The following GFOD1 variants were observed in gnomAD, a reference collection of about 807,000 sequenced individuals.
The protein encoded by GFOD1 is Gfo/Idh/MocA-like oxidoreductase domain containing 1, also known as glucose-fructose oxidoreductase domain-containing protein 1.
A neutral mutation model predicts 25.4 loss-of-function variants in GFOD1; 9 were observed. That is an observed-to-expected ratio of 0.35 (90% confidence interval 0.21 to 0.62). The LOEUF (loss-of-function observed/expected upper bound fraction) is 0.62. Among genes scored for constraint, GFOD1 ranks in the 20% least tolerant of loss-of-function variants. The pLI is 0.72. For missense variants in GFOD1, 403 were observed against 556.9 expected (o/e 0.72, Z 2.78); for synonymous variants, 253 against 245.6 (o/e 1.03, Z -0.28).
At chr6:13,410,104 C>T (rs574153894) in intron 1 of GFOD1, among the ~76,000 whole-genome samples, 1 of 151,146 alleles carries the variant, frequency 6.6e-6, no homozygotes, top group African/African-American at 2.4e-5. Context: ...AATAAAGCCC[C>T]AGATGATGCA....
intron 1 of GFOD1, among the ~76,000 whole-genome samples, chr6:13,454,128 G>A (rs1296123841): frequency 6.6e-6 from 1 of 152,258 alleles, no homozygotes; most frequent in African/African-American, 2.4e-5. Context: ...GCAGAGACGA[G>A]GTGATGCATC....
At chr6:13,395,706 G>C (rs971312825) in intron 1 of GFOD1, among the ~76,000 whole-genome samples, 12 of 152,204 alleles carry the variant, frequency 7.9e-5, no homozygotes, top group Non-Finnish European at 1.5e-4. Flanking sequence ...TTCCACTTGA[G>C]ATAAAGAGCC....
chr6:13,479,856 A>G (rs764666943), intron 1 of GFOD1, among the ~76,000 whole-genome samples: 5 of 152,210 alleles, frequency 3.3e-5, no homozygotes, highest in Admixed American at 6.5e-5. Context: ...CAGGGGCAGG[A>G]ACCCAAAGAG....
chr6:13,396,576 G>A (rs545218751), intron 1 of GFOD1, among the ~76,000 whole-genome samples: 38 of 152,320 alleles, frequency 2.5e-4, no homozygotes, highest in African/African-American at 8.7e-4. Context: ...AGACTTTGTA[G>A]GTGGGATGAA....
At chr6:13,439,412 G>C (rs1233619857) in intron 1 of GFOD1, among the ~76,000 whole-genome samples, 1 of 152,206 alleles carries the variant, frequency 6.6e-6, no homozygotes, top group Non-Finnish European at 1.5e-5. Flanking sequence ...TCAAACAAAT[G>C]CAAGAATTGC....
intron 1 of GFOD1, among the ~76,000 whole-genome samples, chr6:13,419,478 C>G (rs1359362598): frequency 6.6e-6 from 1 of 152,146 alleles, no homozygotes; most frequent in East Asian, 1.9e-4. Context: ...AGCTGCTGGT[C>G]TCCTTGCTTC....
intron 1 of GFOD1, among the ~76,000 whole-genome samples, chr6:13,408,763 T>G (rs1034313174): frequency 6.6e-6 from 1 of 152,180 alleles, no homozygotes; most frequent in Non-Finnish European, 1.5e-5. Context: ...TACTCCATTG[T>G]TTTTAGAAAA....
intron 1 of GFOD1, chr6:13,486,010 C>T: frequency 5.1e-6 from 5 of 985,498 alleles, no homozygotes; most frequent in Non-Finnish European, 6.0e-6. Flanking sequence ...ACCGTCCTTG[C>T]CTCCAGCGCA....
intron 1 of GFOD1, among the ~76,000 whole-genome samples, chr6:13,444,206 C>T (rs142594048): frequency 5.9e-5 from 9 of 152,182 alleles, no homozygotes; most frequent in Admixed American, 2.0e-4. Context: ...ATGTATTTTG[C>T]GGGAACATGG....
Position 13,487,045 on chromosome 6 carries a change from G to A in GFOD1, c.-155C>T. 1 of 840,128 alleles carries A rather than the reference G, an allele frequency of 1.2e-6. No individual in the cohort carries two copies. Among genetic ancestry groups the A allele is most frequent in the Admixed American group, 2.9e-5 (1 of 34,220 alleles). The allele number at this position is 840,128 out of a possible 1,614,324, so 52.0% of individuals were successfully genotyped here. A position where few individuals can be genotyped will look rare whatever the true frequency, so the allele number is the denominator to read the frequency against. ...ACCGGGCAAGGCGCCCGGGTGCCCA[G>A]AGCGCACCGAGCTGCAGGCGGAGCA... On this transcript the variant is annotated 5_prime_UTR_variant, in exon 1 of 2. Transcript: ENST00000379287. This position sits in a 1 kb window ranked among gnomAD's most constrained non-coding sequence, Gnocchi z 4.9.
Position 13,461,311 on chromosome 6 carries a change from C to T in GFOD1, c.253+25327G>A, listed in dbSNP as rs138212006. 1.3e-3 allele frequency among the ~76,000 whole-genome samples: 203 copies of T among 152,286 alleles called. 1 individual carries two copies. Among genetic ancestry groups the T allele is most frequent in the Middle Eastern group, 3.4e-3 (1 of 294 alleles). On this transcript the variant is annotated intron_variant, in intron 1 of 1. Transcript: ENST00000379287. ...CGGCCCTCTTTGTAGTGTCATTGAG[C>T]CAGAGCTGCTAGGGAGAAGGAGGGA...
intron 1 of GFOD1, among the ~76,000 whole-genome samples, chr6:13,463,662 C>G (rs959188332): frequency 1.3e-5 from 2 of 152,108 alleles, no homozygotes; most frequent in Admixed American, 6.6e-5. Flanking sequence ...AAAGAAAATA[C>G]GATAGCATTT....
intron 1 of GFOD1, among the ~76,000 whole-genome samples, chr6:13,420,604 G>A (rs949690618): frequency 1.1e-4 from 17 of 152,210 alleles, no homozygotes; most frequent in East Asian, 5.8e-4. Flanking sequence ...TTCTTCCTGT[G>A]CAGTACCTCA....
chr6:13,382,415 T>A (rs1339984428), intron 1 of GFOD1, among the ~76,000 whole-genome samples: 1 of 152,078 alleles, frequency 6.6e-6, no homozygotes, highest in East Asian at 1.9e-4. Context: ...CTGATGGTTT[T>A]ATAAAGAGAA....
intron 1 of GFOD1, among the ~76,000 whole-genome samples, chr6:13,483,786 G>A (rs1758807632): frequency 6.6e-6 from 1 of 152,304 alleles, no homozygotes; most frequent in South Asian, 2.1e-4. Context: ...CTCCGGGGGA[G>A]GTAGAGTGCT....
intron 1 of GFOD1, among the ~76,000 whole-genome samples, chr6:13,451,447 A>G (rs1758097395): frequency 6.6e-6 from 1 of 152,286 alleles, no homozygotes; most frequent in Middle Eastern, 3.4e-3. Flanking sequence ...ATGATGTACG[A>G]GAGCTTGTAG....
chr6:13,394,515 C>T (rs950125564), intron 1 of GFOD1, among the ~76,000 whole-genome samples: 1 of 100,876 alleles, frequency 9.9e-6, no homozygotes. Flanking sequence ...TGCTCTTTTG[C>T]CCAGGCTGGA....
chr6:13,450,883 T>C (rs979275706), intron 1 of GFOD1, among the ~76,000 whole-genome samples: 1 of 152,218 alleles, frequency 6.6e-6, no homozygotes, highest in Admixed American at 6.5e-5. Context: ...GGGTCAACTT[T>C]GCAGGCAGGC....
chr6:13,368,590 C>T (rs1212975760), intron 1 of GFOD1, among the ~76,000 whole-genome samples: 2 of 151,708 alleles, frequency 1.3e-5, no homozygotes, highest in South Asian at 2.1e-4. Context: ...GGTGTAGGCT[C>T]TGGCCTCTAC....
Sources: gnomAD v4.1 joint callset for allele counts (sites outside exome capture counted in the v4.1 genomes callset) on GRCh38, gnomAD v4.1.1 for gene constraint, Gnocchi (gnomAD v3.1) non-coding constraint, MANE v1.5 for transcripts, NCBI Gene and HGNC (gene_info 2026-07-23, HGNC 2026-07-21) for gene names.